GPC3: variants seen among roughly 807,000 people sequenced by gnomAD.
GPC3 encodes glypican 3.
In GPC3, 3 loss-of-function variants were observed where a neutral mutation model predicts 34.4. The observed-to-expected ratio is 0.09, with a 90% CI of 0.04 to 0.23. GPC3 has a LOEUF of 0.23. Among genes scored for constraint, GPC3 ranks in the 10% least tolerant of loss-of-function variants. GPC3 has a pLI of 1.00. For synonymous variants in GPC3, 177 were observed against 174.0 expected, an observed-to-expected ratio of 1.02 and a Z score of -0.13; for missense variants, 351 against 445.6, an observed-to-expected ratio of 0.79 and a Z score of 1.91.
chrX:133,690,694 T>A (rs919136579), intron 5 of GPC3, among the ~76,000 whole-genome samples: 6 of 111,559 alleles, frequency 5.4e-5, no homozygotes, highest in South Asian at 3.8e-4. Flanking sequence ...AAGGTATGAA[T>A]GAGTGAATAA....
At chrX:133,759,281 A>G (rs1453163661) in intron 2 of GPC3, among the ~76,000 whole-genome samples, 2 of 112,024 alleles carry the variant, frequency 1.8e-5, no homozygotes, top group East Asian at 5.6e-4. Flanking sequence ...TTTATATGGA[A>G]ACATAAAAGA....
chrX:133,726,736 AC>A (rs1453421578), intron 3 of GPC3, among the ~76,000 whole-genome samples: 1 of 111,567 alleles, frequency 9.0e-6, no homozygotes, highest in African/African-American at 3.3e-5. Flanking sequence ...AAAAAACAAA[AC>A]AAAACAAAAC....
intron 5 of GPC3, among the ~76,000 whole-genome samples, chrX:133,689,425 A>T (rs1448803582): frequency 1.8e-5 from 2 of 111,880 alleles, no homozygotes; most frequent in Non-Finnish European, 3.8e-5. Context: ...ACCATTTGAT[A>T]GAAGAGAAAT....
intron 7 of GPC3, among the ~76,000 whole-genome samples, chrX:133,542,016 A>G (rs1345949253): frequency 8.9e-6 from 1 of 111,971 alleles, no homozygotes; most frequent in Non-Finnish European, 1.9e-5. Flanking sequence ...CCACTGAGGG[A>G]CATAGCCTGC....
chrX:133,559,245 ATG>A (rs1318866392), intron 7 of GPC3, among the ~76,000 whole-genome samples: 1 of 111,555 alleles, frequency 9.0e-6, no homozygotes, highest in Admixed American at 9.5e-5. Flanking sequence ...ACATTTATGG[ATG>A]TCTGAGGAAC....
At chrX:133,742,175 G>A (rs2071569647) in intron 3 of GPC3, among the ~76,000 whole-genome samples, 1 of 112,190 alleles carries the variant, frequency 8.9e-6, no homozygotes, top group South Asian at 3.7e-4. Context: ...GGGTTTGAAT[G>A]AACAGAACAG....
chrX:133,961,537 A>T, intron 1 of GPC3, among the ~76,000 whole-genome samples: 1 of 111,656 alleles, frequency 9.0e-6, no homozygotes, highest in Non-Finnish European at 1.9e-5. Flanking sequence ...CTGAGAATAC[A>T]AATTCACGGA....
chrX:133,850,212 TTG>T (rs1491508130), intron 2 of GPC3, among the ~76,000 whole-genome samples: 3 of 103,939 alleles, frequency 2.9e-5, no homozygotes, highest in African/African-American at 1.1e-4. Context: ...TTTTTTTTTT[TTG>T]GTAAATAAAG....
intron 6 of GPC3, among the ~76,000 whole-genome samples, chrX:133,642,176 C>G (rs1012086836): frequency 9.0e-5 from 10 of 111,348 alleles, no homozygotes; most frequent in African/African-American, 3.3e-4. Context: ...CACTCTTCTC[C>G]CATTGAAAGC....
chrX:133,572,601 C>A (rs2124302782), intron 7 of GPC3, among the ~76,000 whole-genome samples: 1 of 111,079 alleles, frequency 9.0e-6, no homozygotes, highest in South Asian at 3.8e-4. Context: ...TACAAGAAGA[C>A]CTAAATTACT....
At chrX:133,801,660 A>G (rs192439537) in intron 2 of GPC3, among the ~76,000 whole-genome samples, 101 of 112,369 alleles carry the variant, frequency 9.0e-4, no homozygotes, top group African/African-American at 3.0e-3. Flanking sequence ...GTTTCATTTC[A>G]AGGGATTTTA....
chrX:133,555,609 C>G (rs1020532170), intron 7 of GPC3, among the ~76,000 whole-genome samples: 3 of 111,432 alleles, frequency 2.7e-5, no homozygotes, highest in Non-Finnish European at 5.6e-5. Context: ...GGGTGGATCC[C>G]TTGAGGCCAG....
Position 133,754,679 on chromosome X carries a change from A to G in GPC3, c.338-503T>C, listed in dbSNP as rs759404521. 2.7e-5 allele frequency among the ~76,000 whole-genome samples: 3 copies of G among 112,387 alleles called. No individual in the cohort carries two copies. In the Admixed American group the frequency reaches 2.8e-4, roughly 11 times the overall value. On this transcript the variant is annotated intron_variant, in intron 2 of 7. Coordinates refer to ENST00000370818, the MANE Select transcript of GPC3 (RefSeq NM_004484.4). ...AGGGGAGGCAAGTTCCTAGCCAAGA[A>G]TAAAAGCTATCACGAATTTAATCAT...
At chrX:133,590,407 G>C (rs1473967258) in intron 7 of GPC3, among the ~76,000 whole-genome samples, 4 of 111,383 alleles carry the variant, frequency 3.6e-5, no homozygotes, top group African/African-American at 1.3e-4. Context: ...GTAACCATGG[G>C]TAAGACATCA....
At chrX:133,539,172 T>C (rs909315199) in intron 7 of GPC3, among the ~76,000 whole-genome samples, 9 of 110,815 alleles carry the variant, frequency 8.1e-5, no homozygotes, top group African/African-American at 3.0e-4. Flanking sequence ...TGTTATAAGG[T>C]AGGTATTATA....
Position 133,633,057 on chromosome X carries a change from C to T in GPC3, c.1413+28673G>A, listed in dbSNP as rs778752645. On this transcript the variant is annotated intron_variant, in intron 6 of 7. Transcript: ENST00000370818. ...ACAGAACTGTTACTCACACACTCCC[C>T]ACACCAATAAAACTTTCTTAAAACC... Among the ~76,000 whole-genome samples the T allele has an allele frequency of 1.2e-4, 13 of 111,493 alleles. No homozygotes were observed. The Admixed American group carries it at 1.2e-3, about 11-fold the overall frequency.
chrX:133,837,951 T>C (rs979518520), intron 2 of GPC3, among the ~76,000 whole-genome samples: 7 of 112,383 alleles, frequency 6.2e-5, no homozygotes, highest in Non-Finnish European at 1.1e-4. Flanking sequence ...AATGCACGAC[T>C]GGAATTCTTT....
chrX:133,955,907 A>C (rs764905988), intron 1 of GPC3, among the ~76,000 whole-genome samples: 2 of 111,794 alleles, frequency 1.8e-5, no homozygotes, highest in South Asian at 7.5e-4. Context: ...GTCACCAGAA[A>C]ATTTATTTTT....
At chrX:133,568,796 T>G (rs774097822) in intron 7 of GPC3, among the ~76,000 whole-genome samples, 4 of 110,126 alleles carry the variant, frequency 3.6e-5, no homozygotes, top group Non-Finnish European at 5.7e-5. Context: ...AAATGGTATA[T>G]AGAGAGGCAC....
Sources: allele counts gnomAD v4.1 joint callset (sites outside exome capture counted in the v4.1 genomes callset), GRCh38; gene constraint gnomAD v4.1.1; transcripts MANE v1.5; gene names NCBI Gene and HGNC (gene_info 2026-07-23, HGNC 2026-07-21).